LRRC34: variants seen among roughly 807,000 people sequenced by gnomAD.
LRRC34 encodes leucine-rich repeat-containing protein 34.
LRRC34 carries 44 observed loss-of-function variants against 48.5 expected under a neutral mutation model. The ratio of observed to expected loss-of-function variants is 0.91; its 90% CI spans 0.71 to 1.17. The LOEUF (loss-of-function observed/expected upper bound fraction) is 1.17, where lower values mean the gene tolerates loss of function less well. Among genes scored for constraint, LRRC34 ranks in the 50% most tolerant of loss-of-function variants. LRRC34 has a pLI of 0.00. For synonymous variants in LRRC34, 192 were observed against 197.6 expected, an observed-to-expected ratio of 0.97 and a Z score of 0.24; for missense variants, 502 against 563.0, an observed-to-expected ratio of 0.89 and a Z score of 1.10.
intron 6 of LRRC34, among the ~76,000 whole-genome samples, chr3:169,801,266 C>T (rs1160703063): frequency 1.3e-5 from 2 of 152,160 alleles, no homozygotes; most frequent in African/African-American, 4.8e-5. Context: ...GCTGGTATGC[C>T]GGAAACCATG....
intron 1 of LRRC34, among the ~76,000 whole-genome samples, chr3:169,811,214 T>C (rs1779555949): frequency 6.6e-6 from 1 of 152,164 alleles, no homozygotes; most frequent in Non-Finnish European, 1.5e-5. Context: ...CCTACTGTCT[T>C]CCTTGGTATT....
At chr3:169,800,864 T>A in intron 6 of LRRC34, 110 bp from the exon 7 acceptor site, 1 of 711,860 alleles carries the variant, frequency 1.4e-6, no homozygotes, top group Non-Finnish European at 2.3e-6. Context: ...TTTTAAAATT[T>A]AAGCATTCCT....
rs1312968381 is a variant in LRRC34, at chr3:169,812,450, A to G, written c.99T>C (p.Thr33=). The part of the protein sequence containing the change: ...APARSPAWAS[T]QASTPGAALA... ...GGGCCGCGCCCGGAGTACTGGCCTG[A>G]GTGGAGGCCCAAGCCGGGGACCTGG... Residue 33 remains threonine, a synonymous_variant, in exon 1 of 11, where the codon ACT becomes ACC. Transcript: ENST00000446859. This position sits in a 1 kb window ranked among gnomAD's most constrained non-coding sequence, Gnocchi z 4.3. 1.4e-5 allele frequency: 22 copies of G among 1,531,698 alleles called. No individual in the cohort carries two copies. Among genetic ancestry groups the G allele is most frequent in the Admixed American group, 2.0e-5 (1 of 51,022 alleles). 94.9% of individuals were successfully genotyped at this position (1,531,698 alleles called of 1,614,324 possible).
Position 169,812,692 on chromosome 3 carries a change from G to A in LRRC34, c.-144C>T. On this transcript the variant is annotated 5_prime_UTR_variant, in exon 1 of 11. Transcript: ENST00000446859. The surrounding 1 kb of genome is among the most constrained non-coding windows in gnomAD (Gnocchi z 4.3). ...TAAGGCAGTGACCGCCTACTCTGTG[G>A]AGGTCCTTTGTCACCCTGCCCTGGT... is the stretch of plus-strand genomic sequence containing the variant. The A allele has an allele frequency of 1.6e-6, 2 of 1,218,396 alleles. No homozygotes were observed. The highest frequency in any genetic ancestry group is 1.1e-6 in the Non-Finnish European group (1 of 930,292). The allele number at this position is 1,218,396 out of a possible 1,614,324, so 75.5% of individuals were successfully genotyped here.
intron 6 of LRRC34, among the ~76,000 whole-genome samples, chr3:169,801,651 G>A (rs1779197221): frequency 6.6e-6 from 1 of 152,096 alleles, no homozygotes; most frequent in South Asian, 2.1e-4. Flanking sequence ...GCCTCCATAA[G>A]CTTCTCTACT....
In LRRC34 at chr3:169,812,649, G is replaced by T. The variant is rs1169351631; in HGVS notation, c.-101C>A. On this transcript the variant is annotated 5_prime_UTR_variant, in exon 1 of 11. Coordinates refer to ENST00000446859, the MANE Select transcript of LRRC34 (RefSeq NM_001172779.2). The surrounding 1 kb of genome is among the most constrained non-coding windows in gnomAD (Gnocchi z 4.3). ...AGTCCCGCTGGCTGTGCCTGCCCGG[G>T]CCCTGAGGCCTCACTGCTAAGGCAG... The T allele has an allele frequency of 6.5e-6, 9 of 1,385,196 alleles. No individual in the cohort carries two copies. Among genetic ancestry groups the T allele is most frequent in the Non-Finnish European group, 8.4e-6 (9 of 1,071,604 alleles). The allele number at this position is 1,385,196 out of a possible 1,614,324, so 85.8% of individuals were successfully genotyped here.
At chr3:169,797,652 C>G (rs1229748587) in intron 7 of LRRC34, among the ~76,000 whole-genome samples, 1 of 152,078 alleles carries the variant, frequency 6.6e-6, no homozygotes, top group Non-Finnish European at 1.5e-5. Context: ...GTTTTTTAGT[C>G]ACTGGAAATG....
At chr3:169,802,799 C>T (rs1779241302) in intron 6 of LRRC34, among the ~76,000 whole-genome samples, 1 of 151,842 alleles carries the variant, frequency 6.6e-6, no homozygotes, top group African/African-American at 2.4e-5. Flanking sequence ...ATCATGAAAC[C>T]CCGTCTCTAC....
At chr3:169,805,723 A>G (rs1453271343) in intron 5 of LRRC34, among the ~76,000 whole-genome samples, 1 of 152,076 alleles carries the variant, frequency 6.6e-6, no homozygotes, top group East Asian at 1.9e-4. Context: ...TGTCTCTACT[A>G]AAAGTACAAA....
chr3:169,796,605 A>C (rs1322422366), intron 8 of LRRC34, 140 bp downstream of exon 8: 11 of 996,752 alleles, frequency 1.1e-5, no homozygotes, highest in Non-Finnish European at 1.6e-5. Context: ...ATTAAAGCTT[A>C]GGACAAAGGA....
rs1228545901 is a variant in LRRC34 at position 169,812,173 on chromosome 3, T to C, written c.139+237A>G. 1.4e-5 allele frequency among the ~76,000 whole-genome samples: 2 copies of C among 147,300 alleles called. No homozygotes were observed. The highest frequency in any genetic ancestry group is 4.5e-4 in the South Asian group (2 of 4,442). ...GCGCAAAGGGCGGACCCACGGGAAC[T>C]CCTCTCCGTGGACTCCTCTCCTGCC... On this transcript the variant is annotated intron_variant, in intron 1 of 10. Transcript: ENST00000446859. The surrounding 1 kb of genome is among the most constrained non-coding windows in gnomAD (Gnocchi z 4.3).
chr3:169,804,549 C>T (rs930724861), intron 5 of LRRC34, among the ~76,000 whole-genome samples: 2 of 152,156 alleles, frequency 1.3e-5, no homozygotes, highest in Admixed American at 1.3e-4. Flanking sequence ...CCCAGCTCGG[C>T]CTCCCAAAGT....
rs781662206 is a variant in LRRC34, at chr3:169,796,214, G to A, written c.1064C>T (p.Ala355Val). 9 of 1,595,650 alleles carry A rather than the reference G, an allele frequency of 5.6e-6. No individual in the cohort carries two copies. The highest frequency in any genetic ancestry group is 1.7e-4 in the Middle Eastern group (1 of 6,030). The change falls in exon 9 of 11, where the codon GCG (alanine) becomes GTG (valine). Residue 355 changes from alanine to valine, a missense_variant and splice_region_variant. By Grantham distance (64) the Ala-to-Val change is moderately conservative. Transcript: ENST00000446859. ...TGATTAAATATAAAACCATACTAAC[G>A]CTTTAAGACTCCTGTTGTGTGAAGT... ...TLTSHNRSLK[A>V]LSVVSNNIEG... is the part of the protein sequence containing the mutation.
chr3:169,797,216 T>G (rs978358872), intron 7 of LRRC34, among the ~76,000 whole-genome samples: 23 of 152,108 alleles, frequency 1.5e-4, no homozygotes, highest in African/African-American at 5.1e-4. Context: ...AAAAAATTGG[T>G]CCCATCATGT....
intron 10 of LRRC34, 99 bp from the exon 11 acceptor site, chr3:169,793,937 G>T (rs1778889997): frequency 2.7e-6 from 2 of 748,398 alleles, no homozygotes; most frequent in Admixed American, 3.3e-5. Flanking sequence ...GTGCTAATTT[G>T]TAGTTTAAAA....
At position 169,808,763 on chromosome 3, in the gene LRRC34, C is replaced by T. The variant is rs753947996; in HGVS notation, c.140-18G>A. On this transcript the variant is annotated intron_variant, in intron 1 of 10. Coordinates refer to ENST00000446859, the MANE Select transcript of LRRC34 (RefSeq NM_001172779.2). ...TGGAGATTCTGAAAAATATATGCAT[C>T]CTCTATCACATATAAATTATTCTAG... 18 of 1,240,250 alleles carry T rather than the reference C, an allele frequency of 1.5e-5. No homozygotes were observed. Among genetic ancestry groups the T allele is most frequent in the South Asian group, 6.4e-5 (5 of 77,558 alleles). 76.8% of individuals were successfully genotyped at this position (1,240,250 alleles called of 1,614,324 possible).
chr3:169,799,638 CAGAGTG>C (rs1433948823), intron 7 of LRRC34, among the ~76,000 whole-genome samples: 1 of 152,148 alleles, frequency 6.6e-6, no homozygotes. Context: ...GCCTGGGTGA[CAGAGTG>C]AGACCTCATC....
In LRRC34 at chr3:169,793,217, G is replaced by A. The variant is rs910211303; in HGVS notation, c.*418C>T. On this transcript the variant is annotated 3_prime_UTR_variant, in exon 11 of 11. Transcript: ENST00000446859. ...CTGTAACACGTAAATAGGATAGGTA[G>A]AATACTTTTTCAACTTCTGAACTTT... is the stretch of plus-strand genomic sequence containing the variant. Among the ~76,000 whole-genome samples, 3 of 152,162 alleles carry A rather than the reference G, an allele frequency of 2.0e-5. No homozygotes were observed. Among genetic ancestry groups the A allele is most frequent in the African/African-American group, 7.2e-5 (3 of 41,430 alleles).
chr3:169,810,379 G>A (rs1462398578), intron 1 of LRRC34, among the ~76,000 whole-genome samples: 2 of 151,854 alleles, frequency 1.3e-5, no homozygotes, highest in Non-Finnish European at 2.9e-5. Context: ...AACAAAATTG[G>A]AATCTTTGGA....
Sources: allele counts gnomAD v4.1 joint callset (sites outside exome capture counted in the v4.1 genomes callset), GRCh38; gene constraint gnomAD v4.1.1; non-coding constraint Gnocchi (gnomAD v3.1); transcripts MANE v1.5; gene names NCBI Gene and HGNC (gene_info 2026-07-23, HGNC 2026-07-21).